Variants in TMEM217 observed in about 807,000 individuals in gnomAD.
The protein encoded by TMEM217 is transmembrane protein 217.
For synonymous variants in TMEM217, 76 were observed against 88.3 expected, an observed-to-expected ratio of 0.86 and a Z score of 0.78; for missense variants, 204 against 248.8, an observed-to-expected ratio of 0.82 and a Z score of 1.21.
chr6:37,252,637 ATTTTTTTTTT>A (rs374265453), intron 1 of TMEM217, among the ~76,000 whole-genome samples: 12,208 of 70,622 alleles, frequency 0.17, 633 homozygotes, highest in Non-Finnish European at 0.23. Context: ...ATATATATAT[ATTTTTTTTTT>A]TTTTTTTTTT....
At chr6:37,251,000 G>T (rs1342895066) in intron 1 of TMEM217, among the ~76,000 whole-genome samples, 1 of 149,858 alleles carries the variant, frequency 6.7e-6, no homozygotes, top group Non-Finnish European at 1.5e-5. Flanking sequence ...TTTTAAGAGG[G>T]GCTCCAAAGA....
chr6:37,253,883 T>C (rs1765582047), intron 1 of TMEM217, among the ~76,000 whole-genome samples: 1 of 152,232 alleles, frequency 6.6e-6, no homozygotes, highest in Non-Finnish European at 1.5e-5. Flanking sequence ...CTCTAAGGGT[T>C]GGGATATGCC....
At chr6:37,241,549 T>C (rs1764770746) in intron 1 of TMEM217, among the ~76,000 whole-genome samples, 1 of 152,200 alleles carries the variant, frequency 6.6e-6, no homozygotes, top group South Asian at 2.1e-4. Context: ...GTCCCCATTC[T>C]TGGGCTGGCA....
chr6:37,247,637 C>A (rs560609668), intron 1 of TMEM217, among the ~76,000 whole-genome samples: 1 of 152,082 alleles, frequency 6.6e-6, no homozygotes, highest in African/African-American at 2.4e-5. Flanking sequence ...TCACCCACTT[C>A]GGCCTCCCAA....
At chr6:37,233,175 C>T (rs1230743063) in intron 1 of TMEM217, among the ~76,000 whole-genome samples, 2 of 151,006 alleles carry the variant, frequency 1.3e-5, no homozygotes, top group Admixed American at 1.3e-4. Context: ...TTTCTCTGGT[C>T]TTTCTTATTT....
intron 1 of TMEM217, among the ~76,000 whole-genome samples, chr6:37,230,775 TAACACAGTTAAGCAG>T (rs1764158279): frequency 1.3e-5 from 2 of 152,162 alleles, no homozygotes; most frequent in Non-Finnish European, 2.9e-5. Context: ...AAATTCTGCT[TAACACAGTTAAGCAG>T]AACAGCCTTT....
exon 2 of TMEM217, chr6:37,219,026 T>A (rs759978236): frequency 3.7e-6 from 6 of 1,612,462 alleles, no homozygotes; most frequent in Non-Finnish European, 8.5e-7. Context: ...CTGCTGCTGT[T>A]TCATGCTGAG....
chr6:37,258,059 A>AC (rs1670691978), exon 1 of TMEM217: 4 of 1,479,012 alleles, frequency 2.7e-6, no homozygotes, highest in Admixed American at 2.0e-5. Flanking sequence ...CTGGGGCGCC[A>AC]CAGAGGCCAG....
At chr6:37,231,209 G>A (rs181521787) in intron 1 of TMEM217, among the ~76,000 whole-genome samples, 2,307 of 147,556 alleles carry the variant, frequency 0.016, 31 homozygotes, top group Non-Finnish European at 0.024. Context: ...ACAGGTGCAA[G>A]CCACCATGCC....
intron 1 of TMEM217, among the ~76,000 whole-genome samples, chr6:37,232,001 A>G (rs1251096464): frequency 6.6e-6 from 1 of 152,098 alleles, no homozygotes; most frequent in Non-Finnish European, 1.5e-5. Context: ...TCAAGCTTGC[A>G]TGAATCGAAT....
At chr6:37,226,642 G>A (rs1290602036) in intron 1 of TMEM217, among the ~76,000 whole-genome samples, 5 of 151,424 alleles carry the variant, frequency 3.3e-5, no homozygotes, top group Middle Eastern at 3.4e-3. Context: ...GCAGTGGCAC[G>A]ATCTCGCCTC....
intron 1 of TMEM217, among the ~76,000 whole-genome samples, chr6:37,228,134 A>C (rs1562009216): frequency 6.6e-6 from 1 of 152,108 alleles, no homozygotes; most frequent in Non-Finnish European, 1.5e-5. Flanking sequence ...GGTGGCTTGC[A>C]CCTATAGTCC....
chr6:37,228,764 G>C (rs1010133082), intron 1 of TMEM217, among the ~76,000 whole-genome samples: 5 of 151,922 alleles, frequency 3.3e-5, no homozygotes, highest in Non-Finnish European at 5.9e-5. Context: ...TTGGGAGGCC[G>C]AGGCAGGCGG....
rs150905263 is a variant in TMEM217, at chr6:37,220,919, T to G, written c.-11-1878A>C. Among the ~76,000 whole-genome samples the G allele has an allele frequency of 9.2e-5, 14 of 152,214 alleles. No homozygotes were observed. The East Asian group carries it at 2.7e-3, about 29-fold the overall frequency. On this transcript the variant is annotated intron_variant, in intron 1 of 1. Coordinates refer to ENST00000357219, the Ensembl canonical transcript of TMEM217. ...TTGTTTTACTTTTATTATAGTATAA[T>G]TCATGCATATATAATACACAGATAT...
chr6:37,233,774 C>T (rs906650313), intron 1 of TMEM217, among the ~76,000 whole-genome samples: 1 of 152,106 alleles, frequency 6.6e-6, no homozygotes, highest in East Asian at 1.9e-4. Context: ...CGCTAACTAA[C>T]GAAGTTACTA....
intron 1 of TMEM217, among the ~76,000 whole-genome samples, chr6:37,233,175 C>G (rs1230743063): frequency 6.6e-6 from 1 of 151,006 alleles, no homozygotes; most frequent in Non-Finnish European, 1.5e-5. Flanking sequence ...TTTCTCTGGT[C>G]TTTCTTATTT....
chr6:37,215,244 G>A, downstream of TMEM217: 1 of 1,613,988 alleles, frequency 6.2e-7, no homozygotes, highest in African/African-American at 1.3e-5. Context: ...GGCTGAGCTT[G>A]GCACTGGAGA....
chr6:37,219,558 T>G (rs1763400893), intron 1 of TMEM217, among the ~76,000 whole-genome samples: 1 of 152,078 alleles, frequency 6.6e-6, no homozygotes, highest in Non-Finnish European at 1.5e-5. Flanking sequence ...CTGGACAACA[T>G]GGTGAAACCC....
intron 1 of TMEM217, among the ~76,000 whole-genome samples, chr6:37,243,418 T>A (rs933149591): frequency 1.3e-5 from 2 of 152,208 alleles, no homozygotes; most frequent in Admixed American, 6.5e-5. Context: ...CTCCCTGTCC[T>A]TCTTCCCAGT....
Sources: gnomAD v4.1 joint callset for allele counts (sites outside exome capture counted in the v4.1 genomes callset) on GRCh38, gnomAD v4.1.1 for gene constraint, MANE v1.5 for transcripts, NCBI Gene and HGNC (gene_info 2026-07-23, HGNC 2026-07-21) for gene names.